The following PRLR variants were observed in gnomAD, a reference collection of about 807,000 sequenced individuals.
PRLR encodes hPRL receptor.
In PRLR, 13 loss-of-function variants were observed where a neutral mutation model predicts 40.2. That is an observed-to-expected ratio of 0.32 (90% CI 0.21 to 0.51). The LOEUF (loss-of-function observed/expected upper bound fraction) is 0.51. Ranked by LOEUF, PRLR falls within the 20% of genes least tolerant of loss-of-function variation. PRLR has a pLI of 0.97. For missense variants in PRLR, 656 were observed against 747.3 expected, an observed-to-expected ratio of 0.88 and a Z score of 1.42; for synonymous variants, 269 against 278.7, an observed-to-expected ratio of 0.97 and a Z score of 0.35.
At chr5:35,119,394 A>T (rs1359820632) in intron 1 of PRLR, among the ~76,000 whole-genome samples, 9 of 151,760 alleles carry the variant, frequency 5.9e-5, no homozygotes, top group African/African-American at 2.2e-4. Flanking sequence ...TCTCACACAC[A>T]CACACACACA....
intron 1 of PRLR, among the ~76,000 whole-genome samples, chr5:35,180,630 C>A (rs1362763725): frequency 6.6e-6 from 1 of 151,996 alleles, no homozygotes; most frequent in Non-Finnish European, 1.5e-5. Flanking sequence ...TACATCTGCA[C>A]AACGTGCAGG....
chr5:35,073,474 C>T (rs1769878075), intron 5 of PRLR, among the ~76,000 whole-genome samples: 1 of 152,188 alleles, frequency 6.6e-6, no homozygotes, highest in Non-Finnish European at 1.5e-5. Context: ...AAAATACTAT[C>T]TCTGCATCGT....
At chr5:35,150,575 T>C (rs771436462) in intron 1 of PRLR, among the ~76,000 whole-genome samples, 1 of 152,238 alleles carries the variant, frequency 6.6e-6, no homozygotes, top group Admixed American at 6.5e-5. Context: ...AGTATTGAAT[T>C]AAACCATCTA....
At chr5:35,206,428 A>T (rs1776022227) in intron 1 of PRLR, among the ~76,000 whole-genome samples, 1 of 152,150 alleles carries the variant, frequency 6.6e-6, no homozygotes, top group South Asian at 2.1e-4. Flanking sequence ...ATTGTAAAGG[A>T]TTATGTTGCT....
rs761727863 is a variant in PRLR at position 35,065,402 on chromosome 5, C to A, written c.1556G>T (p.Gly519Val). Reference protein sequence around the residue: ...YVEIHKVNKDGALSLLPKQRE... With the variant: ...YVEIHKVNKDVALSLLPKQRE... The stretch of plus-strand genomic sequence containing the variant: ...CTGTTTTGGTAGCAATGATAATGCA[C>A]CATCTTTGTTGACCTTGTGAATCTC... Residue 519 changes from glycine (G) to valine (V), a missense_variant, in exon 10 of 10, where the codon GGT (glycine) becomes GTT (valine). Gly to Val is a moderately radical substitution (Grantham distance 109). Coordinates refer to ENST00000618457, the MANE Select transcript of PRLR (RefSeq NM_000949.7). The A allele has an allele frequency of 2.5e-6, 4 of 1,614,126 alleles. No individual in the cohort carries two copies. The highest frequency in any genetic ancestry group is 3.3e-5 in the Admixed American group (2 of 60,026).
At position 35,161,761 on chromosome 5, in the gene PRLR, C is replaced by T. The variant is rs16872468; in HGVS notation, c.-105-43639G>A. The stretch of plus-strand genomic sequence containing the variant: ...TTATCTGGATAAATGCCCCGACTGT[C>T]TTTTTGGATCGGCTAATGAAGATCT... On this transcript the variant is annotated intron_variant, in intron 1 of 9. Coordinates refer to ENST00000618457, the MANE Select transcript of PRLR (RefSeq NM_000949.7). Among the ~76,000 whole-genome samples the T allele has an allele frequency of 8.2e-3, 1,243 of 152,320 alleles. 54 individuals are homozygous for T. In the East Asian group the frequency reaches 0.14, roughly 17 times the overall value.
At chr5:35,223,707 T>G (rs1001190980) in intron 1 of PRLR, among the ~76,000 whole-genome samples, 5 of 152,280 alleles carry the variant, frequency 3.3e-5, no homozygotes, top group Admixed American at 6.5e-5. Flanking sequence ...GCATCATTTA[T>G]GTAACACTTA....
At chr5:35,130,531 A>C (rs1208513947) in intron 1 of PRLR, among the ~76,000 whole-genome samples, 1 of 152,180 alleles carries the variant, frequency 6.6e-6, no homozygotes, top group Admixed American at 6.5e-5. Flanking sequence ...TGGCCACAGA[A>C]CTCGAGTTGT....
chr5:35,086,758 A>G (rs1254371464), intron 3 of PRLR, among the ~76,000 whole-genome samples: 1 of 152,116 alleles, frequency 6.6e-6, no homozygotes, highest in African/African-American at 2.4e-5. Flanking sequence ...GCCTAAGGGA[A>G]CCATACAAAG....
chr5:35,066,112 C>A lies in PRLR; in HGVS notation c.856-10G>T. 1.9e-6 allele frequency: 3 copies of A among 1,609,492 alleles called. No homozygotes were observed. The highest frequency in any genetic ancestry group is 2.5e-6 in the Non-Finnish European group (3 of 1,177,376). On this transcript the variant is annotated splice_polypyrimidine_tract_variant and intron_variant, in intron 9 of 9. Coordinates refer to ENST00000618457, the MANE Select transcript of PRLR (RefSeq NM_000949.7). Reference sequence around the variant, plus strand: ...CTTCAGACTTGCCCTTCTATTAAAACACAGACACAAGAAGAGATGGCTGTT... The same window carrying A: ...CTTCAGACTTGCCCTTCTATTAAAAAACAGACACAAGAAGAGATGGCTGTT...
intron 2 of PRLR, among the ~76,000 whole-genome samples, chr5:35,091,690 G>A (rs1460878301): frequency 6.6e-6 from 1 of 152,122 alleles, no homozygotes; most frequent in Non-Finnish European, 1.5e-5. Context: ...TCTGAGTAGG[G>A]GCAGGAGAGC....
intron 1 of PRLR, among the ~76,000 whole-genome samples, chr5:35,129,618 A>G (rs1440479012): frequency 1.3e-5 from 2 of 152,152 alleles, no homozygotes; most frequent in Non-Finnish European, 2.9e-5. Context: ...CACCCTCTCT[A>G]TCATTCAGAA....
At chr5:35,083,068 T>TAC (rs3836809) in intron 5 of PRLR, among the ~76,000 whole-genome samples, 9,531 of 144,666 alleles carry the variant, frequency 0.066, 377 homozygotes, top group African/African-American at 0.11. Flanking sequence ...GGTAAGGCAA[T>TAC]ACACACACAC....
chr5:35,210,998 C>A (rs1234424924), intron 1 of PRLR, among the ~76,000 whole-genome samples: 2 of 152,206 alleles, frequency 1.3e-5, no homozygotes, highest in African/African-American at 4.8e-5. Context: ...CAGGCATGAG[C>A]CACTGCGCTC....
At chr5:35,126,815 T>A (rs1279757865) in intron 1 of PRLR, among the ~76,000 whole-genome samples, 1 of 152,226 alleles carries the variant, frequency 6.6e-6, no homozygotes, top group East Asian at 1.9e-4. Flanking sequence ...TGATTGGACA[T>A]CTGGTACGTG....
At chr5:35,155,153 A>G (rs1212678938) in intron 1 of PRLR, among the ~76,000 whole-genome samples, 1 of 152,208 alleles carries the variant, frequency 6.6e-6, no homozygotes, top group African/African-American at 2.4e-5. Context: ...TAAAATAAAA[A>G]CTGAAGATAA....
chr5:35,104,654 G>C (rs958979297), intron 2 of PRLR, among the ~76,000 whole-genome samples: 1 of 152,168 alleles, frequency 6.6e-6, no homozygotes, highest in South Asian at 2.1e-4. Context: ...GAACTGCAAG[G>C]TGGCAGCAAG....
rs192307585 is a variant in PRLR, at chr5:35,088,941, T to C, written c.70+610A>G. On this transcript the variant is annotated intron_variant, in intron 3 of 9. Transcript: ENST00000618457. ...AGAGACATTTGAAATCAGGTCCATATAGAAAAGTTAATATATACACAGGTA... is the reference window on the plus strand; with the variant it reads ...AGAGACATTTGAAATCAGGTCCATACAGAAAAGTTAATATATACACAGGTA... Among the ~76,000 whole-genome samples the C allele has an allele frequency of 9.9e-4, 151 of 152,280 alleles. 1 individual carries two copies. The highest frequency in any genetic ancestry group is 3.5e-3 in the African/African-American group (145 of 41,558).
chr5:35,127,115 C>T (rs1773497520), intron 1 of PRLR, among the ~76,000 whole-genome samples: 1 of 152,196 alleles, frequency 6.6e-6, no homozygotes. Context: ...CATGCCTTCT[C>T]ATTCATACTT....
Sources: allele counts gnomAD v4.1 joint callset (sites outside exome capture counted in the v4.1 genomes callset), GRCh38; gene constraint gnomAD v4.1.1; transcripts MANE v1.5; gene names NCBI Gene and HGNC (gene_info 2026-07-23, HGNC 2026-07-21).